The following POLA1 variants were observed in gnomAD, a reference collection of about 807,000 sequenced individuals.
POLA1 encodes the protein DNA polymerase alpha catalytic subunit.
In POLA1, 15 loss-of-function variants were observed where a neutral mutation model predicts 124.0. The ratio of observed to expected loss-of-function variants is 0.12; its 90% CI spans 0.08 to 0.19. The LOEUF (loss-of-function observed/expected upper bound fraction) is 0.19, where lower values mean the gene tolerates loss of function less well. Among genes scored for constraint, POLA1 ranks in the 10% least tolerant of loss-of-function variants. The probability of loss-of-function intolerance (pLI) is 1.00; values close to 1 mark genes in which losing one functional copy is unlikely to be tolerated. For missense variants in POLA1, 886 were observed against 1,103.4 expected, an observed-to-expected ratio of 0.80 and a Z score of 2.79; for synonymous variants, 408 against 389.4, an observed-to-expected ratio of 1.05 and a Z score of -0.56.
chrX:24,969,376 G>A (rs1272809692), intron 36 of POLA1, among the ~76,000 whole-genome samples: 2 of 110,476 alleles, frequency 1.8e-5, no homozygotes, highest in Non-Finnish European at 3.8e-5. Flanking sequence ...AAGAAAGGAG[G>A]CATCCCCATG....
intron 26 of POLA1, among the ~76,000 whole-genome samples, chrX:24,786,935 C>G (rs1026521861): frequency 1.9e-5 from 2 of 107,906 alleles, no homozygotes; most frequent in African/African-American, 6.8e-5. Context: ...ATCCACTCAC[C>G]ATAGCCGCCC....
In POLA1 at chrX:24,910,282, A is replaced by G. The variant is rs367970799; in HGVS notation, c.4165-20171A>G. On this transcript the variant is annotated intron_variant, in intron 35 of 36. Coordinates refer to ENST00000379068, the MANE Select transcript of POLA1 (RefSeq NM_001330360.2). ...GCCAGAACTTCCAACACTATGTTGA[A>G]TAGGAGTGGTGAGAGAGGGCATCCC... Among the ~76,000 whole-genome samples the G allele has an allele frequency of 2.4e-3, 255 of 106,874 alleles. No individual in the cohort carries two copies. The South Asian group carries it at 0.028, about 12-fold the overall frequency. 92.8% of individuals were successfully genotyped at this position (106,874 alleles called of 115,157 possible).
Position 24,826,568 on chromosome X carries a change from G to A in POLA1, c.3703G>A (p.Gly1235Arg). ...GGCTCGGATCTGTGAACCAATAGAC[G>A]GAATTGATGCTGTCCTCATTGCAAC... ...VVARICEPID[G>R]IDAVLIATWL... is the part of the protein sequence containing the mutation. The change falls in exon 32 of 37, where the codon GGA (glycine) becomes AGA (arginine). Residue 1235 changes from glycine to arginine, a missense_variant. Physicochemically the swap from Gly to Arg is moderately radical, Grantham distance 125. Around this residue, in one of 7 missense-constraint regions of POLA1, gnomAD observed 313 missense variants for 359.7 expected, o/e 0.87. Transcript: ENST00000379068. 3 of 1,206,015 alleles carry A rather than the reference G, an allele frequency of 2.5e-6. No homozygotes were observed. The highest frequency in any genetic ancestry group is 3.4e-6 in the Non-Finnish European group (3 of 892,164).
At chrX:24,751,653 A>G (rs1322237957) in intron 26 of POLA1, among the ~76,000 whole-genome samples, 4 of 112,223 alleles carry the variant, frequency 3.6e-5, no homozygotes, top group Non-Finnish European at 7.5e-5. Context: ...AGAAGATCCA[A>G]AGTCACTTAC....
At chrX:24,793,928 C>T (rs2045558115) in intron 26 of POLA1, among the ~76,000 whole-genome samples, 1 of 110,582 alleles carries the variant, frequency 9.0e-6, no homozygotes, top group Non-Finnish European at 1.9e-5. Context: ...CCGCCATCCC[C>T]TCGGAAGAGA....
At chrX:24,955,476 G>A (rs1326372923) in intron 36 of POLA1, among the ~76,000 whole-genome samples, 1 of 111,318 alleles carries the variant, frequency 9.0e-6, no homozygotes, top group Non-Finnish European at 1.9e-5. Context: ...CACCACACCA[G>A]CCCAGAGCAG....
chrX:24,782,420 A>C, intron 26 of POLA1, among the ~76,000 whole-genome samples: 1 of 111,692 alleles, frequency 9.0e-6, no homozygotes. Context: ...ATCTTTTTCA[A>C]ACCAAGCTGC....
At chrX:24,730,803 C>T (rs1275391765) in intron 15 of POLA1, among the ~76,000 whole-genome samples, 1 of 112,114 alleles carries the variant, frequency 8.9e-6, no homozygotes, top group African/African-American at 3.2e-5. Flanking sequence ...ATATTGTCTG[C>T]AATGACACCA....
chrX:24,816,172 A>G lies in POLA1; in HGVS notation c.3429+1061A>G, dbSNP rs763652891. On this transcript the variant is annotated intron_variant, in intron 30 of 36. Coordinates refer to ENST00000379068, the MANE Select transcript of POLA1 (RefSeq NM_001330360.2). ...CTTGAAGGAAAATATTTGAGTCAAAAGATGTGAATATCTGTATGGCTTTTG... is the reference window on the plus strand; with the variant it reads ...CTTGAAGGAAAATATTTGAGTCAAAGGATGTGAATATCTGTATGGCTTTTG... Among the ~76,000 whole-genome samples, 4 of 112,373 alleles carry G rather than the reference A, an allele frequency of 3.6e-5. No homozygotes were observed. The South Asian group carries it at 1.5e-3, about 41-fold the overall frequency.
intron 19 of POLA1, among the ~76,000 whole-genome samples, chrX:24,738,021 G>T (rs1931387734): frequency 1.0e-5 from 1 of 98,971 alleles, no homozygotes; most frequent in Non-Finnish European, 1.9e-5. Flanking sequence ...GGACCATCCT[G>T]GCTAACAAGG....
chrX:24,923,578 T>C (rs1025903491), intron 35 of POLA1, among the ~76,000 whole-genome samples: 1 of 112,334 alleles, frequency 8.9e-6, no homozygotes, highest in African/African-American at 3.2e-5. Context: ...AATTGTCTAC[T>C]TGATGGACAT....
Position 24,777,030 on chromosome X carries a change from C to T in POLA1, c.2964+28038C>T, listed in dbSNP as rs760682504. ...TGGACATTATTCTTAGGATTCAGTA[C>T]TGGGTCAAGATGTGTGTTTTTTCAG... On this transcript the variant is annotated intron_variant, in intron 26 of 36. Transcript: ENST00000379068. Among the ~76,000 whole-genome samples, 7 of 112,076 alleles carry T rather than the reference C, an allele frequency of 6.2e-5. No individual in the cohort carries two copies. The South Asian group carries it at 2.6e-3, about 42-fold the overall frequency.
At chrX:24,881,115 G>GA (rs1221707722) in intron 34 of POLA1, among the ~76,000 whole-genome samples, 2 of 111,522 alleles carry the variant, frequency 1.8e-5, no homozygotes, top group African/African-American at 6.5e-5. Context: ...GTTTGATCAG[G>GA]AAAAAAATAC....
rs944994900 is a variant in POLA1, at chrX:24,955,546, C to T, written c.4261+24997C>T. On this transcript the variant is annotated intron_variant, in intron 36 of 36. Coordinates refer to ENST00000379068, the MANE Select transcript of POLA1 (RefSeq NM_001330360.2). ...CAGTTGGATATGGCCATTTGTTCCA[C>T]TGTGTGGTTTTAAATGACATGAAAT... Among the ~76,000 whole-genome samples the T allele has an allele frequency of 5.4e-5, 6 of 111,571 alleles. 1 individual carries two copies. In the Admixed American group the frequency reaches 5.7e-4, roughly 11 times the overall value.
At chrX:24,866,459 A>G (rs1454741140) in intron 34 of POLA1, among the ~76,000 whole-genome samples, 1 of 111,763 alleles carries the variant, frequency 8.9e-6, no homozygotes, top group Non-Finnish European at 1.9e-5. Flanking sequence ...TTGACTTCTC[A>G]CCTCAGTTCA....
chrX:24,838,312 C>A (rs183986399), intron 32 of POLA1, among the ~76,000 whole-genome samples: 45 of 111,455 alleles, frequency 4.0e-4, no homozygotes, highest in African/African-American at 1.4e-3. Flanking sequence ...TCTTTTGTAC[C>A]CTCAACCCCA....
rs537753032 is a variant in POLA1 at position 24,840,020 on chromosome X, G to T, written c.3737-1632G>T. Among the ~76,000 whole-genome samples the T allele has an allele frequency of 5.4e-5, 6 of 111,955 alleles. No individual in the cohort carries two copies. The South Asian group carries it at 2.3e-3, about 42-fold the overall frequency. ...CTCTAATTTACTATTTCTCTTAGGGGTTAGGTAACTTGTAAAATAAGAATG... is the reference window on the plus strand; with the variant it reads ...CTCTAATTTACTATTTCTCTTAGGGTTTAGGTAACTTGTAAAATAAGAATG... On this transcript the variant is annotated intron_variant, in intron 32 of 36. Coordinates refer to ENST00000379068, the MANE Select transcript of POLA1 (RefSeq NM_001330360.2).
At chrX:24,795,163 C>A (rs2045583935) in intron 26 of POLA1, among the ~76,000 whole-genome samples, 1 of 110,707 alleles carries the variant, frequency 9.0e-6, no homozygotes, top group Non-Finnish European at 1.9e-5. Context: ...TTTTAATGCT[C>A]TGGGTTCTGA....
At chrX:24,964,671 T>G (rs1339616183) in intron 36 of POLA1, among the ~76,000 whole-genome samples, 1 of 112,528 alleles carries the variant, frequency 8.9e-6, no homozygotes, top group East Asian at 2.8e-4. Flanking sequence ...TCTGAGTAGT[T>G]CCTCACAGAT....
Sources: gnomAD v4.1 joint callset for allele counts (sites outside exome capture counted in the v4.1 genomes callset) on GRCh38, gnomAD v4.1.1 for gene constraint, gnomAD v4.1.1 regional missense constraint, MANE v1.5 for transcripts, NCBI Gene and HGNC (gene_info 2026-07-23, HGNC 2026-07-21) for gene names.